The following CELF2 variants were observed in gnomAD, a reference collection of about 807,000 sequenced individuals.
The protein encoded by CELF2 is CUG triplet repeat RNA-binding protein 2.
Under a neutral mutation model 62.6 loss-of-function variants are expected in CELF2, and 8 were observed. The observed-to-expected ratio is 0.13, with a 90% CI of 0.07 to 0.23. CELF2 has a LOEUF of 0.23. Ranked by LOEUF, CELF2 falls within the 10% of genes least tolerant of loss-of-function variation. The pLI is 1.00. For missense variants in CELF2, 333 were observed against 671.0 expected, an observed-to-expected ratio of 0.50 and a Z score of 5.56; for synonymous variants, 258 against 250.0, an observed-to-expected ratio of 1.03 and a Z score of -0.30.
intron 1 of CELF2, among the ~76,000 whole-genome samples, chr10:11,137,878 C>T (rs1373761995): frequency 6.6e-6 from 1 of 152,154 alleles, no homozygotes; most frequent in Non-Finnish European, 1.5e-5. Flanking sequence ...CAAGTGTTCC[C>T]TTGTAATGTG....
chr10:11,234,628 G>C (rs2136544567), intron 3 of CELF2, among the ~76,000 whole-genome samples: 1 of 139,460 alleles, frequency 7.2e-6, no homozygotes, highest in Non-Finnish European at 1.5e-5. Context: ...CCTGCAGTGA[G>C]CCGAGATCGC....
At chr10:10,580,034 A>G in the CELF2 span, among the ~76,000 whole-genome samples, 1 of 152,184 alleles carries the variant, frequency 6.6e-6, no homozygotes, top group Admixed American at 6.5e-5. Flanking sequence ...ATTACCATAA[A>G]TTATCTTCTC....
Position 11,335,719 on chromosome 10 carries a change from GA to G in CELF2, c.*6667del, listed in dbSNP as rs1388743497. 1 of 152,138 alleles carries G rather than the reference GA, an allele frequency of 6.6e-6. No individual in the cohort carries two copies. Among genetic ancestry groups the G allele is most frequent in the Non-Finnish European group, 1.5e-5 (1 of 68,018 alleles). The allele number at this position is 152,138 out of a possible 1,614,324, so 9.4% of individuals were successfully genotyped here. On this transcript the variant is annotated 3_prime_UTR_variant, in exon 13 of 13. Coordinates refer to ENST00000633077, the MANE Select transcript of CELF2 (RefSeq NM_001326342.2). This position sits in a 1 kb window ranked among gnomAD's most constrained non-coding sequence, Gnocchi z 5.0. ...TGATTTCTTTTTATTAGGGAGGTGGGAGGGGGATGTTGGGAGGCATGGGGGG... is the reference window on the plus strand; with the variant it reads ...TGATTTCTTTTTATTAGGGAGGTGGGGGGGGATGTTGGGAGGCATGGGGGG...
the CELF2 span, among the ~76,000 whole-genome samples, chr10:10,547,274 T>TAGCC: frequency 6.6e-6 from 1 of 152,138 alleles, no homozygotes; most frequent in African/African-American, 2.4e-5. Flanking sequence ...CAGCCCCCAC[T>TAGCC]AGCCAGCCAC....
In CELF2 at chr10:11,324,079, C is replaced by CGTTT. The variant is rs2095598408; in HGVS notation, c.1295-1756_1295-1753dup. ...CAAAAGGACAAAACCTACTTGTGTGCGTTTACTGGTCTCTCTGTTTCCTTG... is the reference window on the plus strand; with the variant it reads ...CAAAAGGACAAAACCTACTTGTGTGCGTTTGTTTACTGGTCTCTCTGTTTCCTTG... On this transcript the variant is annotated intron_variant, in intron 11 of 12. Coordinates refer to ENST00000633077, the MANE Select transcript of CELF2 (RefSeq NM_001326342.2). This position sits in a 1 kb window ranked among gnomAD's most constrained non-coding sequence, Gnocchi z 4.7. 1.3e-5 allele frequency among the ~76,000 whole-genome samples: 2 copies of CGTTT among 152,100 alleles called. No homozygotes were observed. The highest frequency in any genetic ancestry group is 4.1e-4 in the South Asian group (2 of 4,820).
At position 11,245,940 on chromosome 10, in the gene CELF2, G is replaced by A. The variant is rs529718309; in HGVS notation, c.355-3213G>A. Among the ~76,000 whole-genome samples, 14 of 152,304 alleles carry A rather than the reference G, an allele frequency of 9.2e-5. No individual in the cohort carries two copies. In the South Asian group the frequency reaches 2.9e-3, roughly 32 times the overall value. ...CCAGATTAAGAGTGGAGATATTAGAGTTGTGTGATCCCAGCTCTGTCGTTA... is the reference window on the plus strand; with the variant it reads ...CCAGATTAAGAGTGGAGATATTAGAATTGTGTGATCCCAGCTCTGTCGTTA... On this transcript the variant is annotated intron_variant, in intron 3 of 12. Transcript: ENST00000633077.
At chr10:11,218,099 A>G (rs2063802402) in intron 3 of CELF2, among the ~76,000 whole-genome samples, 1 of 152,198 alleles carries the variant, frequency 6.6e-6, no homozygotes, top group African/African-American at 2.4e-5. Flanking sequence ...GGCACAATTC[A>G]CCAGAAATGA....
chr10:10,571,953 T>C, the CELF2 span, among the ~76,000 whole-genome samples: 30 of 152,244 alleles, frequency 2.0e-4, no homozygotes, highest in Non-Finnish European at 3.5e-4. Flanking sequence ...AATACTCTTA[T>C]TGCTGTCAAT....
At chr10:10,501,185 G>A in the CELF2 span, among the ~76,000 whole-genome samples, 1 of 152,214 alleles carries the variant, frequency 6.6e-6, no homozygotes, top group Non-Finnish European at 1.5e-5. Context: ...AAACAGTTTA[G>A]TTTTGCAGAC....
intron 1 of CELF2, among the ~76,000 whole-genome samples, chr10:11,020,044 T>C (rs1337022290): frequency 2.6e-5 from 4 of 152,238 alleles, no homozygotes; most frequent in Non-Finnish European, 5.9e-5. Flanking sequence ...GTCAATTAAA[T>C]TATGAATTAC....
At chr10:10,987,575 A>G (rs898988270) in intron 2 of CELF2, among the ~76,000 whole-genome samples, 5 of 152,206 alleles carry the variant, frequency 3.3e-5, no homozygotes, top group African/African-American at 1.2e-4. Flanking sequence ...GATGTAGTTC[A>G]GAGATAGAGC....
chr10:10,870,188 G>T (rs752322823), intron 1 of CELF2, among the ~76,000 whole-genome samples: 2 of 151,846 alleles, frequency 1.3e-5, no homozygotes, highest in African/African-American at 2.4e-5. Flanking sequence ...TTTTATTAAA[G>T]ATTATTTCAA....
rs959510840 is a variant in CELF2, at chr10:10,934,947, C to T, written c.89+14948C>T. 1 of 152,134 alleles carries T rather than the reference C, an allele frequency of 6.6e-6. No homozygotes were observed. Among genetic ancestry groups the T allele is most frequent in the Admixed American group, 6.5e-5 (1 of 15,268 alleles). The allele number at this position is 152,134 out of a possible 1,614,324, so 9.4% of individuals were successfully genotyped here. ...TGTTACTGCAGAGATAAATGCAATA[C>T]TCAAAAGGATTTTAATTTCTTCTGG... is the stretch of plus-strand genomic sequence containing the variant. On this transcript the variant is annotated intron_variant, in intron 2 of 13. Transcript: ENST00000636488. This position sits in a 1 kb window ranked among gnomAD's most constrained non-coding sequence, Gnocchi z 4.4.
the CELF2 span, among the ~76,000 whole-genome samples, chr10:10,630,813 G>C: frequency 6.6e-6 from 1 of 152,152 alleles, no homozygotes; most frequent in Non-Finnish European, 1.5e-5. Flanking sequence ...AAATATAGCT[G>C]CAAATAAAGA....
the CELF2 span, among the ~76,000 whole-genome samples, chr10:10,552,752 T>C: frequency 6.6e-6 from 1 of 152,220 alleles, no homozygotes; most frequent in Admixed American, 6.5e-5. Flanking sequence ...CTTTCTGATG[T>C]TGTTCGTTCT....
At chr10:10,514,855 A>G in the CELF2 span, among the ~76,000 whole-genome samples, 3 of 152,282 alleles carry the variant, frequency 2.0e-5, no homozygotes, top group East Asian at 3.9e-4. Context: ...GTTAATTCCT[A>G]AAACCTCTAT....
At position 10,957,977 on chromosome 10, in the gene CELF2, A is replaced by G. The variant is rs568727004; in HGVS notation, c.89+37978A>G. Reference sequence around the variant, plus strand: ...GAGCGCTATGACTTAAGGAATGTATATGAAATCTTCACCAGGTGGAGGGTG... The same window carrying G: ...GAGCGCTATGACTTAAGGAATGTATGTGAAATCTTCACCAGGTGGAGGGTG... On this transcript the variant is annotated intron_variant, in intron 2 of 13. Transcript: ENST00000636488. This position sits in a 1 kb window ranked among gnomAD's most constrained non-coding sequence, Gnocchi z 4.1. Among the ~76,000 whole-genome samples the G allele has an allele frequency of 1.3e-5, 2 of 152,344 alleles. No homozygotes were observed. Among genetic ancestry groups the G allele is most frequent in the African/African-American group, 4.8e-5 (2 of 41,586 alleles).
chr10:10,759,304 T>TC, the CELF2 span, among the ~76,000 whole-genome samples: 11 of 137,036 alleles, frequency 8.0e-5, no homozygotes, highest in Admixed American at 1.5e-4. Context: ...TTCTTTTTTT[T>TC]TTTTTTTTTT....
the CELF2 span, among the ~76,000 whole-genome samples, chr10:10,687,651 T>C: frequency 6.6e-6 from 1 of 152,220 alleles, no homozygotes; most frequent in African/African-American, 2.4e-5. Flanking sequence ...TTGTCACCTT[T>C]ACTAATGAGT....
Sources: allele counts gnomAD v4.1 joint callset (sites outside exome capture counted in the v4.1 genomes callset), GRCh38; gene constraint gnomAD v4.1.1; non-coding constraint Gnocchi (gnomAD v3.1); transcripts MANE v1.5; gene names NCBI Gene and HGNC (gene_info 2026-07-23, HGNC 2026-07-21).